The following SEPTIN10 variants were observed in gnomAD, a reference collection of about 807,000 sequenced individuals.
The protein encoded by SEPTIN10 is septin 10.
In SEPTIN10, 66 loss-of-function variants were observed where a neutral mutation model predicts 54.8. The observed-to-expected ratio is 1.21, with a 90% CI of 0.99 to 1.48. SEPTIN10 has a LOEUF of 1.48. SEPTIN10 is among the 40% of genes most tolerant of loss of function. The pLI is 0.00. For missense variants in SEPTIN10, 620 were observed against 545.6 expected (o/e 1.14, Z -1.36); for synonymous variants, 161 against 181.0 (o/e 0.89, Z 0.89).
chr2:109,590,054 GTGTATATATATACACACACATATATA>G (rs1292811191), intron 2 of SEPTIN10, among the ~76,000 whole-genome samples: 2 of 146,352 alleles, frequency 1.4e-5, no homozygotes, highest in Admixed American at 6.8e-5. Flanking sequence ...ATATATGTGT[GTGTATATATATACACACACATATATA>G]TGTATATATA....
intron 4 of SEPTIN10, among the ~76,000 whole-genome samples, chr2:109,582,254 G>C (rs755161265): frequency 1.3e-5 from 2 of 152,056 alleles, no homozygotes; most frequent in Non-Finnish European, 2.9e-5. Context: ...AATATAGTTG[G>C]AAGAATCAAT....
intron 4 of SEPTIN10, among the ~76,000 whole-genome samples, chr2:109,582,110 A>T (rs7587175): frequency 0.042 from 5,681 of 134,928 alleles, 153 homozygotes; most frequent in Non-Finnish European, 0.064. Context: ...ACACACACAC[A>T]CACTCACTCT....
At chr2:109,594,910 CAG>C (rs1419042144) in intron 1 of SEPTIN10, 19 of 150,684 alleles carry the variant, frequency 1.3e-4, no homozygotes, top group Non-Finnish European at 2.5e-4. Flanking sequence ...TTTTTTGAGA[CAG>C]AGTCTCACTC....
At position 109,545,328 on chromosome 2, in the gene SEPTIN10, C is replaced by T. The variant is rs368023992; in HGVS notation, c.1349+722G>A. Reference sequence around the variant, plus strand: ...GACACAAAGTACAGAAGGAAATTATCAAAAAGGAAAAATAAACTTATTTTC... The same window carrying T: ...GACACAAAGTACAGAAGGAAATTATTAAAAAGGAAAAATAAACTTATTTTC... On this transcript the variant is annotated intron_variant, in intron 10 of 10. Coordinates refer to ENST00000397712, the MANE Select transcript of SEPTIN10 (RefSeq NM_144710.5). 24 of 1,486,012 alleles carry T rather than the reference C, an allele frequency of 1.6e-5. No homozygotes were observed. The East Asian group carries it at 3.8e-4, about 23-fold the overall frequency. The allele number at this position is 1,486,012 out of a possible 1,614,324, so 92.1% of individuals were successfully genotyped here.
chr2:109,563,267 A>C (rs192938664), intron 8 of SEPTIN10, among the ~76,000 whole-genome samples: 3 of 150,750 alleles, frequency 2.0e-5, no homozygotes, highest in Non-Finnish European at 4.4e-5. Context: ...ACATTAATTA[A>C]CTCCATAGAC....
intron 8 of SEPTIN10, among the ~76,000 whole-genome samples, chr2:109,555,080 T>G (rs897069791): frequency 3.3e-5 from 5 of 152,214 alleles, no homozygotes; most frequent in African/African-American, 1.2e-4. Context: ...CTAATTCATC[T>G]CTGAGCTTCT....
intron 1 of SEPTIN10, chr2:109,613,183 G>C (rs1406157852): frequency 7.8e-7 from 1 of 1,288,472 alleles, no homozygotes; most frequent in African/African-American, 1.5e-5. Context: ...ACCACACTTG[G>C]AAAACCGCTG....
At chr2:109,612,595 A>G (rs1699489034) in intron 1 of SEPTIN10, among the ~76,000 whole-genome samples, 1 of 152,240 alleles carries the variant, frequency 6.6e-6, no homozygotes, top group Non-Finnish European at 1.5e-5. Flanking sequence ...AATTAAAAAT[A>G]AATCTAACAT....
At chr2:109,552,857 G>A (rs565708383) in intron 9 of SEPTIN10, 8 of 425,092 alleles carry the variant, frequency 1.9e-5, no homozygotes, top group East Asian at 1.3e-4. Flanking sequence ...GAATTTCAAC[G>A]ATTAGTGACT....
chr2:109,574,509 T>A, intron 5 of SEPTIN10, 72 bp downstream of exon 5: 2 of 817,690 alleles, frequency 2.4e-6, no homozygotes, highest in Non-Finnish European at 3.4e-6. Flanking sequence ...TATATATCCA[T>A]ATTGTAAAAA....
intron 10 of SEPTIN10, chr2:109,545,011 A>C (rs1036515742): frequency 9.1e-6 from 9 of 985,334 alleles, no homozygotes; most frequent in African/African-American, 1.7e-5. Flanking sequence ...ACTTCTCCAT[A>C]TTTAAAAATT....
At chr2:109,606,527 A>G (rs769019020) in intron 1 of SEPTIN10, among the ~76,000 whole-genome samples, 23 of 152,232 alleles carry the variant, frequency 1.5e-4, no homozygotes, top group Non-Finnish European at 2.8e-4. Context: ...AGTTATAGCC[A>G]TAAAGGACAA....
Position 109,555,540 on chromosome 2 carries a change from G to C in SEPTIN10, c.1029-2321C>G, listed in dbSNP as rs1573436851. ...TACCACTGGAGGCTATATTAGTAAA[G>C]AGCAAACTATTCTCATAAATGCAGA... On this transcript the variant is annotated intron_variant, in intron 8 of 10. Coordinates refer to ENST00000397712, the MANE Select transcript of SEPTIN10 (RefSeq NM_144710.5). Among the ~76,000 whole-genome samples the C allele has an allele frequency of 3.9e-5, 6 of 152,284 alleles. No individual in the cohort carries two copies. In the South Asian group the frequency reaches 1.2e-3, roughly 32 times the overall value.
chr2:109,591,635 G>A (rs1303010678), intron 2 of SEPTIN10, among the ~76,000 whole-genome samples: 2 of 152,156 alleles, frequency 1.3e-5, no homozygotes, highest in East Asian at 1.9e-4. Context: ...GGTGGCTCAC[G>A]TCTGTAATCC....
intron 9 of SEPTIN10, 57 bp downstream of exon 9, chr2:109,553,030 C>T: frequency 6.4e-7 from 1 of 1,573,502 alleles, no homozygotes; most frequent in Non-Finnish European, 8.6e-7. Context: ...ATAAATCCTC[C>T]AAATTAATAG....
At position 109,564,450 on chromosome 2, in the gene SEPTIN10, TGG is replaced by T; in HGVS notation, c.942_943del (p.His315TyrfsTer5). ...CCTGTAAAGCTCATAGTGCCTGGTATGGGTCTGCTCTCGCAGGTCCTCCATAT... is the reference window on the plus strand; with the variant it reads ...CCTGTAAAGCTCATAGTGCCTGGTATGTCTGCTCTCGCAGGTCCTCCATAT... On this transcript the variant is annotated frameshift_variant, in exon 8 of 11. Transcript: ENST00000397712. LOFTEE classifies it high-confidence loss of function. 6.2e-7 allele frequency: 1 copy of T among 1,600,292 alleles called. No homozygotes were observed. Among genetic ancestry groups the T allele is most frequent in the East Asian group, 2.2e-5 (1 of 44,590 alleles).
chr2:109,555,797 C>T (rs1311908326), intron 8 of SEPTIN10, among the ~76,000 whole-genome samples: 1 of 152,196 alleles, frequency 6.6e-6, no homozygotes, highest in Non-Finnish European at 1.5e-5. Context: ...TGCCTTTGCT[C>T]ACTAGAAGCA....
chr2:109,589,776 A>G (rs1693502074), intron 2 of SEPTIN10, among the ~76,000 whole-genome samples: 1 of 152,052 alleles, frequency 6.6e-6, no homozygotes, highest in African/African-American at 2.4e-5. Flanking sequence ...TAATGAAAAC[A>G]TATGTCCACC....
intron 9 of SEPTIN10, chr2:109,552,481 G>C (rs1215138644): frequency 6.6e-6 from 1 of 152,154 alleles, no homozygotes; most frequent in Non-Finnish European, 1.5e-5. Flanking sequence ...ATTTCTAATG[G>C]AAGAATATTT....
Sources: gnomAD v4.1 joint callset for allele counts (sites outside exome capture counted in the v4.1 genomes callset) on GRCh38, gnomAD v4.1.1 for gene constraint, MANE v1.5 for transcripts, NCBI Gene and HGNC (gene_info 2026-07-23, HGNC 2026-07-21) for gene names.